The following NEGR1 variants were observed in gnomAD, a reference collection of about 807,000 sequenced individuals.
NEGR1 encodes neuronal growth regulator 1, also known as IgLON family member 4.
A neutral mutation model predicts 40.9 loss-of-function variants in NEGR1; 10 were observed. The observed-to-expected ratio is 0.24, with a 90% CI of 0.15 to 0.42. The LOEUF is 0.42. NEGR1 is among the 10% of genes least tolerant of loss of function. NEGR1 has a pLI of 1.00. For missense variants in NEGR1, 352 were observed against 438.9 expected (o/e 0.80, Z 1.77); for synonymous variants, 185 against 166.8 (o/e 1.11, Z -0.84).
At chr1:71,643,422 C>T (rs1651421740) in intron 4 of NEGR1, among the ~76,000 whole-genome samples, 1 of 152,034 alleles carries the variant, frequency 6.6e-6, no homozygotes. Context: ...TATGGGAAGA[C>T]ATTGCAAAGA....
chr1:71,409,602 ATATAT>A (rs374543613), intron 6 of NEGR1, among the ~76,000 whole-genome samples: 19 of 152,100 alleles, frequency 1.2e-4, no homozygotes, highest in Non-Finnish European at 2.8e-4. Context: ...ACCATGAAAT[ATATAT>A]TATATGTTAT....
At chr1:71,645,109 C>G (rs1208653424) in intron 4 of NEGR1, among the ~76,000 whole-genome samples, 2 of 151,916 alleles carry the variant, frequency 1.3e-5, no homozygotes, top group Non-Finnish European at 2.9e-5. Context: ...CGGAAACCAA[C>G]CTATGTAAAA....
chr1:72,053,871 T>C (rs1229217151), intron 1 of NEGR1, among the ~76,000 whole-genome samples: 6 of 127,510 alleles, frequency 4.7e-5, no homozygotes, highest in African/African-American at 1.6e-4. Flanking sequence ...TGTATTTTAA[T>C]TTTAAGATTA....
At chr1:71,491,229 A>C (rs1488944823) in intron 6 of NEGR1, among the ~76,000 whole-genome samples, 1 of 152,048 alleles carries the variant, frequency 6.6e-6, no homozygotes, top group Non-Finnish European at 1.5e-5. Flanking sequence ...ATAAGTAGTC[A>C]AGAGATAATT....
intron 6 of NEGR1, among the ~76,000 whole-genome samples, chr1:71,428,891 C>T (rs1288104093): frequency 1.3e-5 from 2 of 151,722 alleles, no homozygotes; most frequent in South Asian, 2.1e-4. Context: ...ATAAGATCCA[C>T]GATTAAAACA....
At chr1:71,997,752 A>G (rs747377958) in intron 1 of NEGR1, among the ~76,000 whole-genome samples, 9 of 151,968 alleles carry the variant, frequency 5.9e-5, no homozygotes, top group Non-Finnish European at 1.3e-4. Context: ...TCTCTGTTAC[A>G]TCTTCTTTCC....
intron 1 of NEGR1, among the ~76,000 whole-genome samples, chr1:72,121,199 C>A (rs192325343): frequency 6.6e-6 from 1 of 151,772 alleles, no homozygotes; most frequent in African/African-American, 2.4e-5. Flanking sequence ...GCATACACAC[C>A]CCAAAGCCAA....
chr1:72,216,386 T>C lies in NEGR1; in HGVS notation c.176+65933A>G, dbSNP rs373553163. On this transcript the variant is annotated intron_variant, in intron 1 of 6. Transcript: ENST00000357731. ...AACTTGGAAGTTATATATATATACA[T>C]ATATATATATATATACATATATATA... 1.4e-3 allele frequency among the ~76,000 whole-genome samples: 50 copies of C among 36,162 alleles called. 1 individual carries two copies. The South Asian group carries it at 0.02, about 14-fold the overall frequency. 23.7% of individuals were successfully genotyped at this position (36,162 alleles called of 152,430 possible). A position where few individuals can be genotyped will look rare whatever the true frequency, so the allele number is the denominator to read the frequency against.
intron 6 of NEGR1, chr1:71,486,612 C>T (rs1646889571): frequency 6.6e-6 from 1 of 151,418 alleles, no homozygotes; most frequent in Non-Finnish European, 1.5e-5. Context: ...GCTAGTTTAG[C>T]TTCTACTGTT....
chr1:71,557,860 A>G (rs537927274), intron 6 of NEGR1, among the ~76,000 whole-genome samples: 1 of 151,644 alleles, frequency 6.6e-6, no homozygotes, highest in African/African-American at 2.4e-5. Context: ...AGGATACGGT[A>G]TTGCATTTAG....
intron 6 of NEGR1, among the ~76,000 whole-genome samples, chr1:71,526,576 T>C (rs901254016): frequency 4.0e-5 from 6 of 151,510 alleles, no homozygotes; most frequent in African/African-American, 1.5e-4. Flanking sequence ...TTTCACTCTC[T>C]CCCTGTCCTC....
intron 4 of NEGR1, among the ~76,000 whole-genome samples, chr1:71,696,064 G>A (rs1653465178): frequency 6.6e-6 from 1 of 151,646 alleles, no homozygotes; most frequent in African/African-American, 2.4e-5. Flanking sequence ...GTAATACATT[G>A]CCTTTTGTCT....
intron 1 of NEGR1, among the ~76,000 whole-genome samples, chr1:72,002,597 C>A (rs1224455358): frequency 6.6e-6 from 1 of 151,886 alleles, no homozygotes; most frequent in Non-Finnish European, 1.5e-5. Context: ...ATTATAAAGC[C>A]TATAGAGAAA....
At chr1:72,094,476 G>A (rs1310861236) in intron 1 of NEGR1, among the ~76,000 whole-genome samples, 1 of 152,142 alleles carries the variant, frequency 6.6e-6, no homozygotes, top group African/African-American at 2.4e-5. Context: ...CCAAGTCCAA[G>A]AACAGTGCCT....
intron 2 of NEGR1, among the ~76,000 whole-genome samples, chr1:71,820,583 T>C (rs569299561): frequency 2.0e-4 from 30 of 152,086 alleles, no homozygotes; most frequent in Non-Finnish European, 4.0e-4. Context: ...TGACACATGA[T>C]TAAATTAAGT....
chr1:71,459,420 G>C (rs1057195964), intron 6 of NEGR1, among the ~76,000 whole-genome samples: 6 of 152,140 alleles, frequency 3.9e-5, no homozygotes, highest in African/African-American at 7.2e-5. Flanking sequence ...TTCTAAGTAT[G>C]TCACTTCCAC....
At position 71,933,578 on chromosome 1, in the gene NEGR1, T is replaced by C. The variant is rs575436796; in HGVS notation, c.409+1501A>G. ...ACAAGAGAACAAGATTAAGCTTGAA[T>C]AACATAAGAAATGTGTTTTGTCTTA... is the stretch of plus-strand genomic sequence containing the variant. On this transcript the variant is annotated intron_variant, in intron 2 of 6. Transcript: ENST00000357731. 2.6e-5 allele frequency among the ~76,000 whole-genome samples: 4 copies of C among 152,142 alleles called. No individual in the cohort carries two copies. The South Asian group carries it at 8.3e-4, about 32-fold the overall frequency.
chr1:71,495,563 A>C (rs1159211499), intron 6 of NEGR1, among the ~76,000 whole-genome samples: 1 of 152,122 alleles, frequency 6.6e-6, no homozygotes, highest in Non-Finnish European at 1.5e-5. Context: ...ACCCCCCTAC[A>C]TCATTGAAGG....
At chr1:72,064,053 G>T (rs1404287398) in intron 1 of NEGR1, among the ~76,000 whole-genome samples, 2 of 151,306 alleles carry the variant, frequency 1.3e-5, no homozygotes, top group Admixed American at 6.6e-5. Context: ...AAAGAAATTT[G>T]TAAAAGTTAT....
Sources: gnomAD v4.1 joint callset for allele counts (sites outside exome capture counted in the v4.1 genomes callset) on GRCh38, gnomAD v4.1.1 for gene constraint, MANE v1.5 for transcripts, NCBI Gene and HGNC (gene_info 2026-07-23, HGNC 2026-07-21) for gene names.